CNTNAP2: variants seen among roughly 807,000 people sequenced by gnomAD.
CNTNAP2 encodes contactin-associated protein-like 2.
In CNTNAP2, 98 loss-of-function variants were observed where a neutral mutation model predicts 155.2. The ratio of observed to expected loss-of-function variants is 0.63; its 90% CI spans 0.54 to 0.75. The LOEUF (loss-of-function observed/expected upper bound fraction) is 0.75. Among genes scored for constraint, CNTNAP2 ranks in the 30% least tolerant of loss-of-function variants. The pLI is 0.00. For missense variants in CNTNAP2, 1,727 were observed against 1,688.1 expected (o/e 1.02, Z -0.40); for synonymous variants, 651 against 631.2 (o/e 1.03, Z -0.47).
intron 9 of CNTNAP2, among the ~76,000 whole-genome samples, chr7:147,352,033 T>C (rs986034421): frequency 4.6e-5 from 7 of 151,980 alleles, no homozygotes; most frequent in Admixed American, 6.6e-5. Flanking sequence ...TTTAATTAGC[T>C]GATAAAACAA....
intron 1 of CNTNAP2, among the ~76,000 whole-genome samples, chr7:146,141,820 A>G (rs951026731): frequency 1.3e-5 from 2 of 152,166 alleles, no homozygotes; most frequent in Non-Finnish European, 2.9e-5. Context: ...GAAAAATGTA[A>G]AATTCAAATA....
chr7:147,809,080 C>A (rs1478975899), intron 13 of CNTNAP2, among the ~76,000 whole-genome samples: 1 of 152,104 alleles, frequency 6.6e-6, no homozygotes. Flanking sequence ...GTGACAACAG[C>A]TTTACTTCTA....
chr7:146,899,196 A>G (rs1795942066), intron 3 of CNTNAP2, among the ~76,000 whole-genome samples: 1 of 152,170 alleles, frequency 6.6e-6, no homozygotes, highest in Admixed American at 6.5e-5. Context: ...ACACATTCTC[A>G]AGTAATTTTA....
intron 8 of CNTNAP2, among the ~76,000 whole-genome samples, chr7:147,225,821 AGG>A (rs770553094): frequency 0.062 from 9,025 of 144,600 alleles, 417 homozygotes; most frequent in Non-Finnish European, 0.08. Context: ...GAAGGAAAGA[AGG>A]AAAGAAGGAA....
intron 16 of CNTNAP2, among the ~76,000 whole-genome samples, chr7:148,129,405 C>G (rs906375635): frequency 6.6e-6 from 1 of 151,988 alleles, no homozygotes; most frequent in African/African-American, 2.4e-5. Context: ...AGTAACTATT[C>G]CTGGGGATAG....
intron 1 of CNTNAP2, among the ~76,000 whole-genome samples, chr7:146,169,906 A>G (rs1798364344): frequency 1.3e-5 from 2 of 151,948 alleles, no homozygotes; most frequent in African/African-American, 2.4e-5. Context: ...AGCTACTGTG[A>G]ATAACGCTGC....
intron 2 of CNTNAP2, among the ~76,000 whole-genome samples, chr7:146,779,852 C>T (rs549968327): frequency 4.6e-5 from 7 of 152,264 alleles, no homozygotes; most frequent in South Asian, 2.1e-4. Flanking sequence ...ATTGCACTTG[C>T]GGTCACATAA....
At chr7:147,644,043 G>A (rs1444510885) in intron 13 of CNTNAP2, among the ~76,000 whole-genome samples, 2 of 152,104 alleles carry the variant, frequency 1.3e-5, no homozygotes, top group Non-Finnish European at 1.5e-5. Context: ...TTCTCGCAAT[G>A]TAACTGTTAC....
At chr7:146,826,853 T>TAGAGAGAGAG (rs1479252509) in intron 2 of CNTNAP2, among the ~76,000 whole-genome samples, 6 of 140,720 alleles carry the variant, frequency 4.3e-5, no homozygotes, top group Admixed American at 2.1e-4. Context: ...TATATATATA[T>TAGAGAGAGAG]ATATAGAGAG....
chr7:146,536,603 C>T (rs1797873158), intron 1 of CNTNAP2, among the ~76,000 whole-genome samples: 1 of 149,884 alleles, frequency 6.7e-6, no homozygotes, highest in African/African-American at 2.5e-5. Context: ...CCCCCCACCA[C>T]CATTTTTAAA....
At chr7:146,900,044 C>T (rs1795960251) in intron 3 of CNTNAP2, among the ~76,000 whole-genome samples, 1 of 152,202 alleles carries the variant, frequency 6.6e-6, no homozygotes, top group Non-Finnish European at 1.5e-5. Flanking sequence ...TTGGTATTTA[C>T]TCATTTTTCA....
chr7:148,293,027 T>C (rs186324112), intron 21 of CNTNAP2, among the ~76,000 whole-genome samples: 16 of 151,896 alleles, frequency 1.1e-4, no homozygotes, highest in African/African-American at 3.9e-4. Context: ...TAGAGATTTT[T>C]TGAGGGAGCA....
At chr7:146,683,887 T>C (rs1304433589) in intron 1 of CNTNAP2, among the ~76,000 whole-genome samples, 1 of 151,972 alleles carries the variant, frequency 6.6e-6, no homozygotes, top group African/African-American at 2.4e-5. Context: ...GAACTGAGGC[T>C]CTTAATGACA....
intron 13 of CNTNAP2, among the ~76,000 whole-genome samples, chr7:147,797,234 AC>A (rs1200015147): frequency 6.6e-6 from 1 of 152,116 alleles, no homozygotes; most frequent in Non-Finnish European, 1.5e-5. Context: ...TATCTGAGAC[AC>A]CTGTGCTTAT....
chr7:148,183,665 A>C (rs1795075513), intron 18 of CNTNAP2, among the ~76,000 whole-genome samples: 1 of 151,768 alleles, frequency 6.6e-6, no homozygotes, highest in Non-Finnish European at 1.5e-5. Flanking sequence ...AATTTTTTGT[A>C]GAAACAGGGT....
intron 21 of CNTNAP2, among the ~76,000 whole-genome samples, chr7:148,363,796 C>T (rs557598733): frequency 1.8e-4 from 27 of 151,722 alleles, no homozygotes; most frequent in Non-Finnish European, 3.4e-4. Context: ...CCCACTCCCT[C>T]AGCTTGCAGG....
chr7:148,348,029 A>C (rs991143801), intron 21 of CNTNAP2, among the ~76,000 whole-genome samples: 6 of 151,928 alleles, frequency 3.9e-5, no homozygotes, highest in African/African-American at 1.5e-4. Flanking sequence ...TTCTTGCAAG[A>C]CTCTTTGGCT....
At chr7:147,767,601 G>A (rs1442191252) in intron 13 of CNTNAP2, among the ~76,000 whole-genome samples, 1 of 151,864 alleles carries the variant, frequency 6.6e-6, no homozygotes, top group Non-Finnish European at 1.5e-5. Context: ...TGTGTTCTAT[G>A]CTTTAAATGC....
At chr7:147,612,074 T>C (rs1801198553) in intron 12 of CNTNAP2, among the ~76,000 whole-genome samples, 1 of 152,166 alleles carries the variant, frequency 6.6e-6, no homozygotes, top group Non-Finnish European at 1.5e-5. Context: ...TACAAATGAC[T>C]AAAAAACACT....
Sources: gnomAD v4.1 joint callset for allele counts (sites outside exome capture counted in the v4.1 genomes callset) on GRCh38, gnomAD v4.1.1 for gene constraint, MANE v1.5 for transcripts, NCBI Gene and HGNC (gene_info 2026-07-23, HGNC 2026-07-21) for gene names.